Variants in SLCO1B3 observed in about 807,000 individuals in gnomAD.
The protein encoded by SLCO1B3 is solute carrier organic anion transporter family member 1B3.
A neutral mutation model predicts 71.8 loss-of-function variants in SLCO1B3; 72 were observed. The ratio of observed to expected loss-of-function variants is 1.00; its 90% CI spans 0.83 to 1.22. SLCO1B3 has a LOEUF of 1.22. Ranked by LOEUF, SLCO1B3 falls within the 50% of genes most tolerant of loss-of-function variation. SLCO1B3 has a pLI of 0.00. For missense variants in SLCO1B3, 911 were observed against 819.7 expected, an observed-to-expected ratio of 1.11 and a Z score of -1.36; for synonymous variants, 298 against 278.4, an observed-to-expected ratio of 1.07 and a Z score of -0.70.
chr12:20,901,457 G>GT lies in SLCO1B3; in HGVS notation c.1856dup (p.Phe620IlefsTer43). 6.6e-7 allele frequency: 1 copy of GT among 1,517,604 alleles called. No individual in the cohort carries two copies. 94.0% of individuals were successfully genotyped at this position (1,517,604 alleles called of 1,614,324 possible). On this transcript the variant is annotated frameshift_variant, in exon 15 of 16. Coordinates refer to ENST00000381545, the MANE Select transcript of SLCO1B3 (RefSeq NM_019844.4). LOFTEE classifies it high-confidence loss of function. The stretch of plus-strand genomic sequence containing the variant: ...AGGGGCTTGTAGGATATATAATTCC[G>GT]TATTTTTTGGGTAAGTTGTCGTAAA...
intron 4 of SLCO1B3, among the ~76,000 whole-genome samples, chr12:20,856,962 TTA>T (rs1189218829): frequency 2.2e-5 from 2 of 91,620 alleles, no homozygotes; most frequent in Non-Finnish European, 5.8e-5. Context: ...ATGACTGTAA[TTA>T]TTTTTTTTTA....
In SLCO1B3 at chr12:20,833,689, G is replaced by T. The variant is rs573986787; in HGVS notation, c.84+17867G>T. The stretch of plus-strand genomic sequence containing the variant: ...ATATATACATACACTTTATGGTATA[G>T]AGAGAGATGATAAATTACATGTATA... On this transcript the variant is annotated intron_variant, in intron 3 of 15. Coordinates refer to ENST00000381545, the MANE Select transcript of SLCO1B3 (RefSeq NM_019844.4). Among the ~76,000 whole-genome samples the T allele has an allele frequency of 2.7e-3, 401 of 147,470 alleles. 1 individual carries two copies. Among genetic ancestry groups the T allele is most frequent in the Middle Eastern group, 0.011 (2 of 190 alleles).
Position 20,820,601 on chromosome 12 carries a change from C to T in SLCO1B3, c.84+4779C>T, listed in dbSNP as rs148706694. ...AAGGAATTGCAACTTTGTTTTATTACTGTACACCTTGAAAGTGAGGTTAAT... is the reference window on the plus strand; with the variant it reads ...AAGGAATTGCAACTTTGTTTTATTATTGTACACCTTGAAAGTGAGGTTAAT... On this transcript the variant is annotated intron_variant, in intron 3 of 15. Transcript: ENST00000381545. Among the ~76,000 whole-genome samples, 1,024 of 152,182 alleles carry T rather than the reference C, an allele frequency of 6.7e-3. 15 individuals are homozygous for T. Among genetic ancestry groups the T allele is most frequent in the African/African-American group, 0.024 (988 of 41,542 alleles).
intron 5 of SLCO1B3, among the ~76,000 whole-genome samples, chr12:20,860,553 A>G (rs1865239798): frequency 6.6e-6 from 1 of 151,600 alleles, no homozygotes; most frequent in Non-Finnish European, 1.5e-5. Flanking sequence ...TAAAGTTTAA[A>G]TGAATTAGAA....
At chr12:20,859,987 C>T (rs896123136) in intron 5 of SLCO1B3, among the ~76,000 whole-genome samples, 5 of 136,732 alleles carry the variant, frequency 3.7e-5, no homozygotes, top group Admixed American at 1.6e-4. Context: ...GACGGAGTCT[C>T]GCTAGTCGCC....
In SLCO1B3 at chr12:20,813,599, C is replaced by T. The variant is rs1349433718; in HGVS notation, c.-105C>T. 1.3e-5 allele frequency: 2 copies of T among 152,242 alleles called. No individual in the cohort carries two copies. Among genetic ancestry groups the T allele is most frequent in the East Asian group, 3.9e-4 (2 of 5,188 alleles). The allele number at this position is 152,242 out of a possible 1,614,324, so 9.4% of individuals were successfully genotyped here. A position where few individuals can be genotyped will look rare whatever the true frequency, so the allele number is the denominator to read the frequency against. ...CCCTGAAGTGTTGTCCCGTTGTTCC[C>T]ACCTCCTAGAGGGCCTGACAGAAGA... On this transcript the variant is annotated 5_prime_UTR_variant, in exon 2 of 16. Coordinates refer to ENST00000381545, the MANE Select transcript of SLCO1B3 (RefSeq NM_019844.4).
intron 1 of SLCO1B3, 64 bp downstream of exon 1, chr12:20,810,828 C>T (rs1864098404): frequency 6.6e-6 from 1 of 152,086 alleles, no homozygotes; most frequent in African/African-American, 2.4e-5. Context: ...TAACAAATTT[C>T]AGTGAAAATG....
At chr12:20,886,523 T>C (rs1170784278) in intron 13 of SLCO1B3, among the ~76,000 whole-genome samples, 1 of 152,070 alleles carries the variant, frequency 6.6e-6, no homozygotes, top group East Asian at 1.9e-4. Context: ...GAAAGGATCA[T>C]GTCCTTGAAG....
chr12:20,872,675 C>T (rs1865496643), intron 8 of SLCO1B3, among the ~76,000 whole-genome samples: 1 of 152,048 alleles, frequency 6.6e-6, no homozygotes, highest in Non-Finnish European at 1.5e-5. Context: ...GGAGTGGGTC[C>T]TTCCCTTCAA....
chr12:20,864,745 G>A lies in SLCO1B3; in HGVS notation c.727+1891G>A, dbSNP rs77854652. Among the ~76,000 whole-genome samples the A allele has an allele frequency of 4.3e-3, 653 of 152,246 alleles. 4 individuals carry two copies. Among genetic ancestry groups the A allele is most frequent in the Non-Finnish European group, 6.3e-3 (429 of 68,002 alleles). ...TTCAACTTCTACCCCTGACTGTTCA[G>A]ACCTTATCACATCTTCTCTTATTCT... On this transcript the variant is annotated intron_variant, in intron 8 of 15. Transcript: ENST00000381545.
chr12:20,902,707 T>C (rs1010514674), intron 15 of SLCO1B3, among the ~76,000 whole-genome samples: 2 of 152,052 alleles, frequency 1.3e-5, no homozygotes, highest in African/African-American at 4.8e-5. Flanking sequence ...AAGGGGTAAA[T>C]TAGAAGAATT....
rs781084232 is a variant in SLCO1B3, at chr12:20,862,368, GTTAAAA to G, written c.482-39_482-34del. The G allele has an allele frequency of 3.9e-6, 6 of 1,542,930 alleles. No homozygotes were observed. The East Asian group carries it at 1.2e-4, about 30-fold the overall frequency. On this transcript the variant is annotated intron_variant, in intron 6 of 15. Coordinates refer to ENST00000381545, the MANE Select transcript of SLCO1B3 (RefSeq NM_019844.4). ...AAGTAGTTAAATTTCTAATAGGAAT[GTTAAAA>G]TTAATGTTTAAAGTAAAACACTCTC... is the stretch of plus-strand genomic sequence containing the variant.
At chr12:20,834,736 T>A (rs960913030) in intron 3 of SLCO1B3, among the ~76,000 whole-genome samples, 4 of 152,092 alleles carry the variant, frequency 2.6e-5, no homozygotes, top group Admixed American at 6.6e-5. Flanking sequence ...TCCTCCCAGC[T>A]GCTTTCATCA....
intron 7 of SLCO1B3, 70 bp downstream of exon 7, chr12:20,862,628 TA>T (rs1404169610): frequency 4.7e-6 from 7 of 1,492,562 alleles, no homozygotes; most frequent in African/African-American, 1.4e-5. Flanking sequence ...ATAATGTCAT[TA>T]TTTTTTTCTT....
intron 3 of SLCO1B3, among the ~76,000 whole-genome samples, chr12:20,848,151 A>G (rs1864953709): frequency 6.6e-6 from 1 of 152,162 alleles, no homozygotes; most frequent in Non-Finnish European, 1.5e-5. Flanking sequence ...TGATAAGAAA[A>G]CAGCCAATTA....
chr12:20,907,867 A>T (rs1866286328), intron 15 of SLCO1B3, among the ~76,000 whole-genome samples: 1 of 152,158 alleles, frequency 6.6e-6, no homozygotes, highest in South Asian at 2.1e-4. Flanking sequence ...AAAACTTAAT[A>T]AATTTACTTT....
chr12:20,906,573 A>G (rs1213739072), intron 15 of SLCO1B3, among the ~76,000 whole-genome samples: 1 of 152,176 alleles, frequency 6.6e-6, no homozygotes, highest in East Asian at 1.9e-4. Flanking sequence ...GATAGGAGAA[A>G]CTGTGTACCT....
At chr12:20,833,538 ATG>A (rs1466587664) in intron 3 of SLCO1B3, among the ~76,000 whole-genome samples, 11 of 145,174 alleles carry the variant, frequency 7.6e-5, no homozygotes, top group African/African-American at 2.5e-4. Context: ...TAGTTTATAT[ATG>A]TATATTGTAC....
intron 10 of SLCO1B3, among the ~76,000 whole-genome samples, chr12:20,878,532 C>T (rs1303133993): frequency 6.6e-6 from 1 of 151,986 alleles, no homozygotes; most frequent in Non-Finnish European, 1.5e-5. Context: ...ATTGTAGAAA[C>T]CTTGTAGAAA....
Sources: gnomAD v4.1 joint callset for allele counts (sites outside exome capture counted in the v4.1 genomes callset) on GRCh38, gnomAD v4.1.1 for gene constraint, MANE v1.5 for transcripts, NCBI Gene and HGNC (gene_info 2026-07-23, HGNC 2026-07-21) for gene names.